The following SEPTIN5 variants were observed in gnomAD, a reference collection of about 807,000 sequenced individuals.
SEPTIN5 encodes septin-5.
In SEPTIN5, 16 loss-of-function variants were observed where a neutral mutation model predicts 51.2. The ratio of observed to expected loss-of-function variants is 0.31; its 90% confidence interval spans 0.21 to 0.47. SEPTIN5 has a LOEUF of 0.47. Among genes scored for constraint, SEPTIN5 ranks in the 20% least tolerant of loss-of-function variants. SEPTIN5 has a pLI of 0.99. For missense variants in SEPTIN5, 376 were observed against 500.3 expected, an observed-to-expected ratio of 0.75 and a Z score of 2.37; for synonymous variants, 208 against 191.2, an observed-to-expected ratio of 1.09 and a Z score of -0.72.
At position 19,714,920 on chromosome 22, in the gene SEPTIN5, G is replaced by A. The variant is rs369639583; in HGVS notation, c.54+129G>A. 8.0e-6 allele frequency: 10 copies of A among 1,249,042 alleles called. No individual in the cohort carries two copies. Among genetic ancestry groups the A allele is most frequent in the South Asian group, 7.4e-5 (5 of 67,364 alleles). The allele number at this position is 1,249,042 out of a possible 1,614,324, so 77.4% of individuals were successfully genotyped here. On this transcript the variant is annotated intron_variant, in intron 2 of 11. Coordinates refer to ENST00000455784, the MANE Select transcript of SEPTIN5 (RefSeq NM_002688.6). The surrounding 1 kb of genome is among the most constrained non-coding windows in gnomAD (Gnocchi z 5.2). ...CTCACCCAGCCCTGTCGCGATCACCGATTGTCAGCCGGGCAGTGCCGCCGC... is the reference window on the plus strand; with the variant it reads ...CTCACCCAGCCCTGTCGCGATCACCAATTGTCAGCCGGGCAGTGCCGCCGC...
At chr22:19,721,294 CAGGGG>C (rs934220309) in intron 8 of SEPTIN5, among the ~76,000 whole-genome samples, 1 of 151,812 alleles carries the variant, frequency 6.6e-6, no homozygotes, top group African/African-American at 2.4e-5. Context: ...GAGACCATGC[CAGGGG>C]CAGGTGGCCA....
chr22:19,718,688 G>T, intron 2 of SEPTIN5: 2 of 1,275,002 alleles, frequency 1.6e-6, no homozygotes, highest in South Asian at 7.0e-5. Flanking sequence ...CTGGCGGCCT[G>T]ACCGGGCCTG....
At chr22:19,715,865 C>T (rs1568994045) in intron 2 of SEPTIN5, among the ~76,000 whole-genome samples, 1 of 152,192 alleles carries the variant, frequency 6.6e-6, no homozygotes, top group Non-Finnish European at 1.5e-5. Flanking sequence ...GAGCTGCCTC[C>T]CCATCACAGC....
intron 11 of SEPTIN5, 25 bp from the exon 12 acceptor site, chr22:19,722,403 C>T (rs1335710763): frequency 6.3e-7 from 1 of 1,595,038 alleles, no homozygotes; most frequent in Admixed American, 1.7e-5. Context: ...GTGCTGCTCA[C>T]CCGCCGGGTT....
In SEPTIN5 at chr22:19,722,788, C is replaced by G. The variant is rs1394311927; in HGVS notation, c.*304C>G. The G allele has an allele frequency of 1.9e-6, 1 of 518,628 alleles. No homozygotes were observed. The highest frequency in any genetic ancestry group is 3.5e-6 in the Non-Finnish European group (1 of 285,916). 32.1% of individuals were successfully genotyped at this position (518,628 alleles called of 1,614,324 possible). ...CAGCACCCAAACCGCAGGCCCTGCT[C>G]TGGCAGGCAGGCAAAGCTAGGCAGA... On this transcript the variant is annotated 3_prime_UTR_variant, in exon 12 of 12. Transcript: ENST00000455784.
chr22:19,723,166 T>C lies in SEPTIN5; in HGVS notation c.*682T>C. On this transcript the variant is annotated 3_prime_UTR_variant, in exon 12 of 12. Coordinates refer to ENST00000455784, the MANE Select transcript of SEPTIN5 (RefSeq NM_002688.6). ...CCCTGCCCTCGCTCGAGGCCTCTTC[T>C]CCCCAGCACCGCTGTGGTGTGCCGG... 1 of 572,284 alleles carries C rather than the reference T, an allele frequency of 1.7e-6. No individual in the cohort carries two copies. Among genetic ancestry groups the C allele is most frequent in the Non-Finnish European group, 3.3e-6 (1 of 302,332 alleles). The allele number at this position is 572,284 out of a possible 1,614,324, so 35.5% of individuals were successfully genotyped here. A position where few individuals can be genotyped will look rare whatever the true frequency, so the allele number is the denominator to read the frequency against.
chr22:19,716,201 G>C (rs1935908962), intron 2 of SEPTIN5, among the ~76,000 whole-genome samples: 1 of 152,206 alleles, frequency 6.6e-6, no homozygotes, highest in Non-Finnish European at 1.5e-5. Context: ...GGCACTGTGT[G>C]GCCAAGGAAG....
Position 19,722,611 on chromosome 22 carries a change from A to AC in SEPTIN5, c.*132dup. ...CTGACCCTAATTTATTCTCAGCACC[A>AC]CCCCCTCCCAGGTCATTGTGTCTGT... On this transcript the variant is annotated 3_prime_UTR_variant, in exon 12 of 12. Transcript: ENST00000455784. 1.0e-6 allele frequency: 1 copy of AC among 958,496 alleles called. No individual in the cohort carries two copies. The highest frequency in any genetic ancestry group is 1.6e-6 in the Non-Finnish European group (1 of 635,936). The allele number at this position is 958,496 out of a possible 1,614,324, so 59.4% of individuals were successfully genotyped here.
intron 10 of SEPTIN5, 52 bp from the exon 11 acceptor site, chr22:19,722,185 C>G: frequency 7.3e-7 from 1 of 1,374,462 alleles, no homozygotes; most frequent in Non-Finnish European, 9.9e-7. Context: ...CCAGCCCACG[C>G]TGAGCCTCCC....
chr22:19,720,744 C>T (rs1277289627), intron 7 of SEPTIN5, 24 bp from the exon 8 acceptor site: 1 of 1,612,594 alleles, frequency 6.2e-7, no homozygotes, highest in Admixed American at 1.7e-5. Context: ...GGCCTCAAAT[C>T]TGATGGTCCT....
At position 19,721,665 on chromosome 22, in the gene SEPTIN5, G is replaced by A; in HGVS notation, c.743G>A (p.Gly248Asp). Residue 248 changes from glycine to aspartate, a missense_variant, in exon 9 of 12, where the codon GGC (glycine) becomes GAC (aspartate). Physicochemically the swap from Gly to Asp is moderately conservative, Grantham distance 94 (BLOSUM62 -1). This residue lies in a region of SEPTIN5 where 287 missense variants were observed against 417.1 expected (regional missense o/e 0.69). Coordinates refer to ENST00000455784, the MANE Select transcript of SEPTIN5 (RefSeq NM_002688.6). ...GAGAGCGCGCCCTTCGCCGTTATAG[G>A]CAGCAACACGGTGGTGGAGGCCAAG... is the stretch of plus-strand genomic sequence containing the variant. Reference protein sequence around the residue: ...LKESAPFAVIGSNTVVEAKGQ... With the variant: ...LKESAPFAVIDSNTVVEAKGQ... 6.2e-7 allele frequency: 1 copy of A among 1,612,842 alleles called. No individual in the cohort carries two copies. The highest frequency in any genetic ancestry group is 8.5e-7 in the Non-Finnish European group (1 of 1,179,764).
At position 19,723,267 on chromosome 22, in the gene SEPTIN5, T is replaced by C; in HGVS notation, c.*783T>C. 1 of 677,884 alleles carries C rather than the reference T, an allele frequency of 1.5e-6. No individual in the cohort carries two copies. The highest frequency in any genetic ancestry group is 2.7e-6 in the Non-Finnish European group (1 of 369,186). The allele number at this position is 677,884 out of a possible 1,614,324, so 42.0% of individuals were successfully genotyped here. The stretch of plus-strand genomic sequence containing the variant: ...CCACACGATGCTCCGTTTTCTTCCG[T>C]TGTGAATGCCGCGTCCTGTCCTGGT... On this transcript the variant is annotated 3_prime_UTR_variant, in exon 12 of 12. Coordinates refer to ENST00000455784, the MANE Select transcript of SEPTIN5 (RefSeq NM_002688.6).
At position 19,714,654 on chromosome 22, in the gene SEPTIN5, T is replaced by TGCCCGCGTGCCCGCGC; in HGVS notation, c.43+30_43+31insTGCCCGCGCGCCCGCG. On this transcript the variant is annotated intron_variant, in intron 1 of 11. Transcript: ENST00000455784. The surrounding 1 kb of genome is among the most constrained non-coding windows in gnomAD (Gnocchi z 5.2). Reference sequence around the variant, plus strand: ...CAGGTGAGCCCAGCGCCTGCCCGCGTGCCCGCGCGCGCCTTTGTCCCCGCC... The same window carrying TGCCCGCGTGCCCGCGC: ...CAGGTGAGCCCAGCGCCTGCCCGCGTGCCCGCGTGCCCGCGCGCCCGCGCGCGCCTTTGTCCCCGCC... 2.0e-6 allele frequency: 3 copies of TGCCCGCGTGCCCGCGC among 1,510,680 alleles called. No individual in the cohort carries two copies. The highest frequency in any genetic ancestry group is 2.6e-6 in the Non-Finnish European group (3 of 1,135,154). 93.6% of individuals were successfully genotyped at this position (1,510,680 alleles called of 1,614,324 possible).
Position 19,718,672 on chromosome 22 carries a change from C to G in SEPTIN5, c.55-930C>G, listed in dbSNP as rs775201274. On this transcript the variant is annotated intron_variant, in intron 2 of 11. Transcript: ENST00000455784. ...CCGCGCCAAGGTCCCTCGCTGTCGC[C>G]GGGCTCTGGCGGCCTGACCGGGCCT... 4 of 1,283,262 alleles carry G rather than the reference C, an allele frequency of 3.1e-6. No homozygotes were observed. The South Asian group carries it at 1.0e-4, about 32-fold the overall frequency. The allele number at this position is 1,283,262 out of a possible 1,614,324, so 79.5% of individuals were successfully genotyped here. A position where few individuals can be genotyped will look rare whatever the true frequency, so the allele number is the denominator to read the frequency against.
chr22:19,721,769 G>A (rs763978135), intron 9 of SEPTIN5, 33 bp downstream of exon 9: 23 of 1,601,098 alleles, frequency 1.4e-5, no homozygotes, highest in Non-Finnish European at 1.9e-5. Flanking sequence ...AGGTCTGGTG[G>A]GGGAAGGCTG....
intron 2 of SEPTIN5, chr22:19,718,859 G>A: frequency 8.1e-7 from 1 of 1,231,406 alleles, no homozygotes; most frequent in South Asian, 4.1e-5. Context: ...CTGTGACCCC[G>A]CGGGCTCCGG....
chr22:19,720,749 G>A lies in SEPTIN5; in HGVS notation c.616-19G>A. On this transcript the variant is annotated intron_variant, in intron 7 of 11. Coordinates refer to ENST00000455784, the MANE Select transcript of SEPTIN5 (RefSeq NM_002688.6). ...GGACTTGTCTGGCCTCAAATCTGAT[G>A]GTCCTTGCCCCACCACAGATCCGGG... 1 of 1,612,662 alleles carries A rather than the reference G, an allele frequency of 6.2e-7. No individual in the cohort carries two copies. Among genetic ancestry groups the A allele is most frequent in the Non-Finnish European group, 8.5e-7 (1 of 1,179,400 alleles).
At chr22:19,718,503 A>T (rs780679730) in intron 2 of SEPTIN5, 2 of 1,247,068 alleles carry the variant, frequency 1.6e-6, no homozygotes, top group Non-Finnish European at 2.0e-6. Context: ...CGACGCCGCC[A>T]CAGCTTGGGG....
chr22:19,722,219 C>CCG lies in SEPTIN5; in HGVS notation c.951-17_951-16insGC. 1 of 1,403,664 alleles carries CCG rather than the reference C, an allele frequency of 7.1e-7. No homozygotes were observed. Among genetic ancestry groups the CCG allele is most frequent in the Non-Finnish European group, 9.8e-7 (1 of 1,017,702 alleles). The allele number at this position is 1,403,664 out of a possible 1,614,324, so 87.0% of individuals were successfully genotyped here. On this transcript the variant is annotated splice_polypyrimidine_tract_variant and intron_variant, in intron 10 of 11. Coordinates refer to ENST00000455784, the MANE Select transcript of SEPTIN5 (RefSeq NM_002688.6). ...CCGGTGGCGCCGCCCCGCCCATCCTCCCCCCCGCCCCGCGCAGCAAACTGA... is the reference window on the plus strand; with the variant it reads ...CCGGTGGCGCCGCCCCGCCCATCCTCCGCCCCCCGCCCCGCGCAGCAAACTGA...
Sources: allele counts gnomAD v4.1 joint callset (sites outside exome capture counted in the v4.1 genomes callset), GRCh38; gene constraint gnomAD v4.1.1; regional missense constraint gnomAD v4.1.1; non-coding constraint Gnocchi (gnomAD v3.1); transcripts MANE v1.5; gene names NCBI Gene and HGNC (gene_info 2026-07-23, HGNC 2026-07-21).